The following SHROOM2 variants were observed in gnomAD, a reference collection of about 807,000 sequenced individuals.
SHROOM2 encodes the protein protein Shroom2.
A neutral mutation model predicts 75.9 loss-of-function variants in SHROOM2; 33 were observed. That is an observed-to-expected ratio of 0.43 (90% CI 0.33 to 0.58). SHROOM2 has a LOEUF of 0.58. Ranked by LOEUF, SHROOM2 falls within the 20% of genes least tolerant of loss-of-function variation. The pLI, the probability that SHROOM2 is intolerant of heterozygous loss-of-function variation, is 0.04. For synonymous variants in SHROOM2, 655 were observed against 663.6 expected (o/e 0.99, Z 0.20); for missense variants, 1,434 against 1,461.2 (o/e 0.98, Z 0.30).
chrX:9,933,569 C>T (rs952708974), intron 6 of SHROOM2, among the ~76,000 whole-genome samples: 5 of 111,342 alleles, frequency 4.5e-5, no homozygotes, highest in Non-Finnish European at 9.4e-5. Context: ...TGAAGGAGTT[C>T]GAGGCTAGCC....
Position 9,932,610 on chromosome X carries a change from G to A in SHROOM2, c.3327G>A (p.Leu1109=). Reference sequence around the variant, plus strand: ...CCCTGGATGTGTATGTGGCCCGCCTGTCCCTCTCCCACAGCCCCTCTGTGT... The same window carrying A: ...CCCTGGATGTGTATGTGGCCCGCCTATCCCTCTCCCACAGCCCCTCTGTGT... The part of the protein sequence containing the change: ...PASLDVYVAR[L]SLSHSPSVFS... The change falls in exon 6 of 10, where the codon CTG becomes CTA. Residue 1109 remains leucine (L), a synonymous_variant. Transcript: ENST00000380913. 2 of 1,211,546 alleles carry A rather than the reference G, an allele frequency of 1.7e-6. No homozygotes were observed. The highest frequency in any genetic ancestry group is 2.2e-6 in the Non-Finnish European group (2 of 895,301).
chrX:9,899,844 C>T (rs910912055), intron 5 of SHROOM2, among the ~76,000 whole-genome samples: 1 of 112,585 alleles, frequency 8.9e-6, no homozygotes, highest in Non-Finnish European at 1.9e-5. Flanking sequence ...GCTCCCAGGC[C>T]GTTGAGGCTG....
Position 9,918,276 on chromosome X carries a change from G to T in SHROOM2, c.2892-13899G>T, listed in dbSNP as rs1024180640. 2.7e-5 allele frequency among the ~76,000 whole-genome samples: 3 copies of T among 111,998 alleles called. No homozygotes were observed. In the Admixed American group the frequency reaches 2.8e-4, roughly 11 times the overall value. ...CTCTCTTAATAGTGAAGATAATATA[G>T]AAATTGTCCTAGCCAGTTTACACTC... On this transcript the variant is annotated intron_variant, in intron 5 of 9. Transcript: ENST00000380913.
chrX:9,882,857 C>G (rs905519956), intron 2 of SHROOM2, among the ~76,000 whole-genome samples: 3 of 111,867 alleles, frequency 2.7e-5, no homozygotes, highest in East Asian at 5.6e-4. Flanking sequence ...GAATTTTTAT[C>G]TTGCCTCAGT....
chrX:9,866,858 C>G (rs1229976646), intron 1 of SHROOM2, among the ~76,000 whole-genome samples: 1 of 111,063 alleles, frequency 9.0e-6, no homozygotes, highest in Non-Finnish European at 1.9e-5. Context: ...TGCACACACA[C>G]TCATGCCTCA....
At chrX:9,916,045 T>C (rs768973123) in intron 5 of SHROOM2, among the ~76,000 whole-genome samples, 3 of 112,587 alleles carry the variant, frequency 2.7e-5, no homozygotes, top group Non-Finnish European at 3.7e-5. Context: ...TATACTAATC[T>C]GGGATTACAG....
At chrX:9,941,925 A>G (rs762511620) in intron 8 of SHROOM2, among the ~76,000 whole-genome samples, 2 of 100,222 alleles carry the variant, frequency 2.0e-5, no homozygotes, top group African/African-American at 7.3e-5. Context: ...GAGCTGAGAT[A>G]GCGCCACTGC....
At chrX:9,926,936 T>C (rs997010822) in intron 5 of SHROOM2, among the ~76,000 whole-genome samples, 2 of 110,781 alleles carry the variant, frequency 1.8e-5, no homozygotes, top group African/African-American at 6.6e-5. Flanking sequence ...AAGAGAGATG[T>C]TTAACCCGTA....
intron 1 of SHROOM2, among the ~76,000 whole-genome samples, chrX:9,862,272 G>C (rs1010365906): frequency 9.0e-6 from 1 of 111,181 alleles, no homozygotes; most frequent in African/African-American, 3.3e-5. Flanking sequence ...GATAGAGGGA[G>C]TGGCCACTCC....
chrX:9,943,227 A>AAAAAT (rs1199115610), intron 8 of SHROOM2, among the ~76,000 whole-genome samples: 53 of 109,907 alleles, frequency 4.8e-4, no homozygotes, highest in Admixed American at 9.9e-4. Context: ...CCCTGTCTCA[A>AAAAAT]AAAATAAAAT....
intron 1 of SHROOM2, among the ~76,000 whole-genome samples, chrX:9,794,175 C>G (rs1197302583): frequency 9.0e-6 from 1 of 111,336 alleles, no homozygotes; most frequent in Non-Finnish European, 1.9e-5. Context: ...AGAAGGGACC[C>G]CAGGGTGGGG....
intron 1 of SHROOM2, among the ~76,000 whole-genome samples, chrX:9,866,293 A>G (rs1407710642): frequency 9.2e-6 from 1 of 109,034 alleles, no homozygotes; most frequent in Non-Finnish European, 1.9e-5. Context: ...AATTAAGCAG[A>G]CTGAGAGGTG....
chrX:9,859,969 C>T (rs1162821828), intron 1 of SHROOM2, among the ~76,000 whole-genome samples: 1 of 111,661 alleles, frequency 9.0e-6, no homozygotes, highest in East Asian at 2.8e-4. Context: ...TTTAGAGGTG[C>T]CTTGGTTTTG....
intron 1 of SHROOM2, among the ~76,000 whole-genome samples, chrX:9,812,527 A>T (rs1025191001): frequency 8.9e-6 from 1 of 112,025 alleles, no homozygotes; most frequent in African/African-American, 3.2e-5. Flanking sequence ...CAGGCCCCAT[A>T]CCATTGGACC....
chrX:9,850,285 C>T (rs898312770), intron 1 of SHROOM2, among the ~76,000 whole-genome samples: 1 of 112,364 alleles, frequency 8.9e-6, no homozygotes, highest in Non-Finnish European at 1.9e-5. Flanking sequence ...CTGTCATTTT[C>T]TTTTATTGAT....
At chrX:9,792,159 T>TA (rs1240744489) in intron 1 of SHROOM2, among the ~76,000 whole-genome samples, 1 of 7,413 alleles carries the variant, frequency 1.3e-4, no homozygotes, top group Non-Finnish European at 4.4e-4. Context: ...TAGAATAGAA[T>TA]AATCACCAGT....
intron 4 of SHROOM2, 145 bp from the exon 5 acceptor site, chrX:9,898,044 GT>G (rs2084344271): frequency 2.0e-6 from 1 of 510,539 alleles, no homozygotes; most frequent in African/African-American, 2.3e-5. Context: ...AGAAGTGGAC[GT>G]GGGGTCTTAT....
rs767544374 is a variant in SHROOM2 at position 9,895,091 on chromosome X, G to A, written c.1183G>A (p.Gly395Ser). The A allele has an allele frequency of 2.5e-6, 3 of 1,208,581 alleles. No homozygotes were observed. The highest frequency in any genetic ancestry group is 2.2e-5 in the Admixed American group (1 of 45,776). The change falls in exon 4 of 10, where the codon GGC (glycine) becomes AGC (serine). Residue 395 changes from glycine (G) to serine (S), a missense_variant. Gly to Ser is a moderately conservative substitution (Grantham distance 56). Transcript: ENST00000380913. ...PGCPQEAHAD[G>S]SWPPSKDGAS... Reference sequence around the variant, plus strand: ...CTGCCCACAGGAGGCCCACGCAGACGGCAGCTGGCCGCCCTCCAAGGATGG... The same window carrying A: ...CTGCCCACAGGAGGCCCACGCAGACAGCAGCTGGCCGCCCTCCAAGGATGG...
At chrX:9,838,221 C>T (rs908188392) in intron 1 of SHROOM2, among the ~76,000 whole-genome samples, 19 of 109,206 alleles carry the variant, frequency 1.7e-4, no homozygotes, top group Admixed American at 1.5e-3. Flanking sequence ...CCACCACGCC[C>T]GGCTAATTTT....
Sources: gnomAD v4.1 joint callset for allele counts (sites outside exome capture counted in the v4.1 genomes callset) on GRCh38, gnomAD v4.1.1 for gene constraint, MANE v1.5 for transcripts, NCBI Gene and HGNC (gene_info 2026-07-23, HGNC 2026-07-21) for gene names.